SMOC1: variants seen among roughly 807,000 people sequenced by gnomAD.
SMOC1 encodes the protein SPARC related modular calcium binding 1.
A neutral mutation model predicts 56.3 loss-of-function variants in SMOC1; 22 were observed. The observed-to-expected ratio is 0.39, with a 90% confidence interval of 0.28 to 0.56. SMOC1 has a LOEUF of 0.56. SMOC1 is among the 20% of genes least tolerant of loss of function. The pLI, the probability that SMOC1 is intolerant of heterozygous loss-of-function variation, is 0.61. For missense variants in SMOC1, 509 were observed against 565.4 expected (o/e 0.90, Z 1.01); for synonymous variants, 193 against 215.0 (o/e 0.90, Z 0.89).
chr14:69,942,088 C>T (rs527755649), intron 1 of SMOC1, among the ~76,000 whole-genome samples: 1 of 152,266 alleles, frequency 6.6e-6, no homozygotes, highest in African/African-American at 2.4e-5. Flanking sequence ...CATCTCACAT[C>T]TTGGATTGTC....
At chr14:69,942,033 T>A (rs1882585110) in intron 1 of SMOC1, among the ~76,000 whole-genome samples, 1 of 152,232 alleles carries the variant, frequency 6.6e-6, no homozygotes, top group Admixed American at 6.5e-5. Flanking sequence ...CCTTCCTCCC[T>A]GCCTCTCCTA....
At chr14:69,961,160 G>A (rs923640136) in intron 3 of SMOC1, among the ~76,000 whole-genome samples, 2 of 151,294 alleles carry the variant, frequency 1.3e-5, no homozygotes, top group Non-Finnish European at 2.9e-5. Flanking sequence ...ATAATAATAT[G>A]TGGTCCTTCT....
At chr14:69,955,143 T>G (rs1280536421) in intron 3 of SMOC1, among the ~76,000 whole-genome samples, 1 of 152,126 alleles carries the variant, frequency 6.6e-6, no homozygotes, top group Non-Finnish European at 1.5e-5. Flanking sequence ...ATGCAACAGG[T>G]GTGGGATGTG....
chr14:69,964,877 A>G (rs1212130351), intron 3 of SMOC1, among the ~76,000 whole-genome samples: 2 of 152,104 alleles, frequency 1.3e-5, no homozygotes, highest in Admixed American at 1.3e-4. Context: ...TGGCAGAGTC[A>G]GTATTCAAAC....
intron 3 of SMOC1, among the ~76,000 whole-genome samples, chr14:69,958,332 T>C (rs1883261186): frequency 6.6e-6 from 1 of 152,160 alleles, no homozygotes; most frequent in Admixed American, 6.5e-5. Context: ...AACAAAGAGC[T>C]AATCTTATGT....
chr14:69,944,907 G>A (rs1882724878), intron 1 of SMOC1, among the ~76,000 whole-genome samples: 1 of 151,686 alleles, frequency 6.6e-6, no homozygotes, highest in Admixed American at 6.6e-5. Context: ...ATTATTCCAA[G>A]GAAAAAATAC....
intron 5 of SMOC1, among the ~76,000 whole-genome samples, chr14:69,991,719 T>G (rs914264357): frequency 5.3e-5 from 8 of 152,346 alleles, no homozygotes; most frequent in South Asian, 2.1e-4. Context: ...GGGTGATTTC[T>G]GCAAAGTCCC....
chr14:69,950,243 G>T (rs1276035214), intron 1 of SMOC1, among the ~76,000 whole-genome samples: 3 of 152,190 alleles, frequency 2.0e-5, no homozygotes, highest in Admixed American at 2.0e-4. Flanking sequence ...ACCCAGGCAT[G>T]AGGTCCAGTC....
intron 1 of SMOC1, among the ~76,000 whole-genome samples, chr14:69,919,487 C>A (rs1884774373): frequency 6.6e-6 from 1 of 152,182 alleles, no homozygotes; most frequent in Admixed American, 6.5e-5. Flanking sequence ...CTAATATTTA[C>A]CAAGACCTAG....
Position 69,918,209 on chromosome 14 carries a change from C to T in SMOC1, c.100-33929C>T, listed in dbSNP as rs892491766. 2.0e-5 allele frequency among the ~76,000 whole-genome samples: 3 copies of T among 151,404 alleles called. No homozygotes were observed. In the East Asian group the frequency reaches 5.8e-4, roughly 29 times the overall value. ...GTTGCTGTGCTGTGTAATAGGTTCC[C>T]AGAACTTACCCTATATATATATATA... is the stretch of plus-strand genomic sequence containing the variant. On this transcript the variant is annotated intron_variant, in intron 1 of 11. Coordinates refer to ENST00000361956, the MANE Select transcript of SMOC1 (RefSeq NM_001034852.3).
intron 7 of SMOC1, among the ~76,000 whole-genome samples, chr14:70,004,444 G>A (rs1046713054): frequency 2.6e-5 from 4 of 152,170 alleles, no homozygotes; most frequent in African/African-American, 9.7e-5. Context: ...ATGTGGGTGG[G>A]TCCCATCCAA....
chr14:70,025,923 A>G (rs1049703611), intron 11 of SMOC1, among the ~76,000 whole-genome samples: 6 of 152,226 alleles, frequency 3.9e-5, no homozygotes, highest in African/African-American at 1.2e-4. Flanking sequence ...AGTTCCTGAG[A>G]AATTGAAATA....
At chr14:69,913,498 A>G (rs1381961868) in intron 1 of SMOC1, among the ~76,000 whole-genome samples, 1 of 152,142 alleles carries the variant, frequency 6.6e-6, no homozygotes. Context: ...CAAACAGTAC[A>G]TGGGACACAC....
intron 11 of SMOC1, 86 bp from the exon 12 acceptor site, chr14:70,030,156 T>G: frequency 6.3e-7 from 1 of 1,596,342 alleles, no homozygotes; most frequent in East Asian, 2.2e-5. Flanking sequence ...ATAGCTGGAT[T>G]TCTCACAAGC....
intron 3 of SMOC1, among the ~76,000 whole-genome samples, chr14:69,971,269 C>T (rs1478931899): frequency 3.3e-5 from 5 of 152,174 alleles, no homozygotes; most frequent in Admixed American, 6.5e-5. Context: ...CTGCCTGCCT[C>T]GGCCTCCCAA....
In SMOC1 at chr14:69,904,052, T is replaced by TG. The variant is rs1884342287; in HGVS notation, c.99+24281dup. 2.6e-5 allele frequency among the ~76,000 whole-genome samples: 4 copies of TG among 152,254 alleles called. No individual in the cohort carries two copies. The South Asian group carries it at 8.3e-4, about 32-fold the overall frequency. On this transcript the variant is annotated intron_variant, in intron 1 of 11. Transcript: ENST00000361956. ...ACCTTCCAGCTGAATGCAGCTGCAC[T>TG]GGGGGGCCCAGGTGAAACCAGCAGG...
At chr14:69,892,088 G>A (rs953664898) in intron 1 of SMOC1, among the ~76,000 whole-genome samples, 4 of 152,192 alleles carry the variant, frequency 2.6e-5, no homozygotes, top group African/African-American at 9.7e-5. Flanking sequence ...ATGAAAGGAC[G>A]AGGGTTTCAA....
At chr14:69,881,977 T>G (rs1361810122) in intron 1 of SMOC1, among the ~76,000 whole-genome samples, 1 of 152,182 alleles carries the variant, frequency 6.6e-6, no homozygotes, top group African/African-American at 2.4e-5. Context: ...CAGGCAGCTA[T>G]AGTGAGTGTT....
intron 1 of SMOC1, among the ~76,000 whole-genome samples, chr14:69,926,002 ACT>A (rs750199378): frequency 2.7e-5 from 4 of 150,400 alleles, no homozygotes; most frequent in East Asian, 2.0e-4. Flanking sequence ...CCCCTCAGGA[ACT>A]CTCTGTCACC....
Sources: gnomAD v4.1 joint callset for allele counts (sites outside exome capture counted in the v4.1 genomes callset) on GRCh38, gnomAD v4.1.1 for gene constraint, MANE v1.5 for transcripts, NCBI Gene and HGNC (gene_info 2026-07-23, HGNC 2026-07-21) for gene names.